Variants in NUDCD1 observed in about 807,000 individuals in gnomAD.
NUDCD1 encodes NudC domain containing 1.
In NUDCD1, 60 loss-of-function variants were observed where a neutral mutation model predicts 67.8. The observed-to-expected ratio is 0.88, with a 90% CI of 0.72 to 1.10. The LOEUF is 1.10. NUDCD1 is among the 50% of genes least tolerant of loss of function. The pLI is 0.00. For missense variants in NUDCD1, 643 were observed against 695.0 expected (o/e 0.93, Z 0.84); for synonymous variants, 244 against 230.8 (o/e 1.06, Z -0.52).
intron 2 of NUDCD1, among the ~76,000 whole-genome samples, chr8:109,307,822 A>G (rs1272200846): frequency 1.3e-5 from 2 of 152,234 alleles, no homozygotes; most frequent in Admixed American, 1.3e-4. Context: ...AGAAGTAGCT[A>G]TTCTTATATC....
At chr8:109,244,187 A>T (rs1813443609) in intron 9 of NUDCD1, among the ~76,000 whole-genome samples, 1 of 152,150 alleles carries the variant, frequency 6.6e-6, no homozygotes, top group African/African-American at 2.4e-5. Flanking sequence ...AATATTAAGC[A>T]GGTTTGAAGC....
chr8:109,301,637 T>C (rs894350302), intron 2 of NUDCD1, among the ~76,000 whole-genome samples: 1 of 152,202 alleles, frequency 6.6e-6, no homozygotes, highest in Non-Finnish European at 1.5e-5. Context: ...CAATTTCAAA[T>C]GGGGTAAGCG....
intron 2 of NUDCD1, chr8:109,315,361 A>G (rs1302634560): frequency 6.6e-6 from 1 of 152,128 alleles, no homozygotes; most frequent in African/African-American, 2.4e-5. Flanking sequence ...GACCTGCCAA[A>G]GAGAAACACA....
At chr8:109,256,237 G>A (rs543556733) in intron 8 of NUDCD1, among the ~76,000 whole-genome samples, 2 of 152,104 alleles carry the variant, frequency 1.3e-5, no homozygotes, top group African/African-American at 4.8e-5. Context: ...ACTGAACTAG[G>A]AAAAAATGGT....
At chr8:109,262,136 T>G (rs749233612) in intron 8 of NUDCD1, among the ~76,000 whole-genome samples, 1 of 152,232 alleles carries the variant, frequency 6.6e-6, no homozygotes, top group South Asian at 2.1e-4. Context: ...TACTTGTATA[T>G]GTGGTTTTAC....
Position 109,241,164 on chromosome 8 carries a change from A to C in NUDCD1, c.*1845T>G, listed in dbSNP as rs977307321. 6.6e-6 allele frequency: 1 copy of C among 152,172 alleles called. No homozygotes were observed. The highest frequency in any genetic ancestry group is 6.6e-5 in the Admixed American group (1 of 15,260). The allele number at this position is 152,172 out of a possible 1,614,324, so 9.4% of individuals were successfully genotyped here. On this transcript the variant is annotated 3_prime_UTR_variant, in exon 10 of 10. Transcript: ENST00000239690. ...TATTCATCTTTTAACGTAGGTCAAC[A>C]TGCGACAATATTTAGGATTAATTAT...
chr8:109,244,792 C>A (rs1298396349), intron 9 of NUDCD1, among the ~76,000 whole-genome samples: 1 of 152,088 alleles, frequency 6.6e-6, no homozygotes, highest in Non-Finnish European at 1.5e-5. Context: ...AATTTTAAAA[C>A]TGATTTTTTT....
chr8:109,325,884 C>T lies in NUDCD1; in HGVS notation c.119-3421G>A, dbSNP rs148012104. ...AGGAAGATCCATTAGAAAGCTATTG[C>T]AATCATCTGGTTGAGAGATAATGGA... is the stretch of plus-strand genomic sequence containing the variant. On this transcript the variant is annotated intron_variant, in intron 1 of 9. Coordinates refer to ENST00000239690, the MANE Select transcript of NUDCD1 (RefSeq NM_032869.4). Among the ~76,000 whole-genome samples, 43 of 152,292 alleles carry T rather than the reference C, an allele frequency of 2.8e-4. No individual in the cohort carries two copies. The East Asian group carries it at 6.7e-3, about 24-fold the overall frequency.
In NUDCD1 at chr8:109,308,719, C is replaced by T. The variant is rs373356391; in HGVS notation, c.274-12150G>A. Reference sequence around the variant, plus strand: ...GGGTGCGGTGGCTCACGCCTGTAATCCCAGCACTTTGGGATGCCAAGGTGG... The same window carrying T: ...GGGTGCGGTGGCTCACGCCTGTAATTCCAGCACTTTGGGATGCCAAGGTGG... On this transcript the variant is annotated intron_variant, in intron 2 of 9. Transcript: ENST00000239690. Among the ~76,000 whole-genome samples the T allele has an allele frequency of 1.2e-3, 182 of 151,960 alleles. 1 individual carries two copies. The highest frequency in any genetic ancestry group is 3.3e-3 in the African/African-American group (136 of 41,462).
intron 2 of NUDCD1, chr8:109,313,975 G>A: frequency 2.7e-6 from 1 of 373,432 alleles, no homozygotes; most frequent in Non-Finnish European, 5.2e-6. Context: ...TAAAGTGAAA[G>A]CAAACTAAAT....
At chr8:109,270,222 T>C (rs924931209) in intron 8 of NUDCD1, among the ~76,000 whole-genome samples, 9 of 151,720 alleles carry the variant, frequency 5.9e-5, no homozygotes, top group Admixed American at 2.0e-4. Flanking sequence ...TCACTTGATA[T>C]AGAAGCATTA....
In NUDCD1 at chr8:109,243,036, A is replaced by G. The variant is rs181711091; in HGVS notation, c.1725T>C (p.Phe575=). 5 of 1,592,110 alleles carry G rather than the reference A, an allele frequency of 3.1e-6. No individual in the cohort carries two copies. The East Asian group carries it at 8.9e-5, about 28-fold the overall frequency. ...AATTCTCTGTATTTACTTTTATTAA[A>G]AAGAGGTTTTTGGTAGTAAGAACAA... ...RLFVLTTKNL[F]LIKVNTEN is the part of the protein sequence containing the mutation. The change falls in exon 10 of 10, where the codon TTT becomes TTC. Residue 575 remains phenylalanine (F), a synonymous_variant. Coordinates refer to ENST00000239690, the MANE Select transcript of NUDCD1 (RefSeq NM_032869.4).
At chr8:109,250,954 T>C (rs1338636612) in intron 8 of NUDCD1, among the ~76,000 whole-genome samples, 5 of 152,206 alleles carry the variant, frequency 3.3e-5, no homozygotes, top group Non-Finnish European at 5.9e-5. Flanking sequence ...TTTAATGTCT[T>C]TGGTATCAGG....
At chr8:109,295,397 C>G (rs1203789670) in intron 3 of NUDCD1, among the ~76,000 whole-genome samples, 4 of 152,140 alleles carry the variant, frequency 2.6e-5, no homozygotes, top group African/African-American at 9.7e-5. Flanking sequence ...AAGGCCAAAA[C>G]AGAAATTGCC....
chr8:109,313,543 C>T (rs972100407), intron 2 of NUDCD1, among the ~76,000 whole-genome samples: 10 of 152,114 alleles, frequency 6.6e-5, no homozygotes, highest in Non-Finnish European at 1.3e-4. Flanking sequence ...GCTTCAAATA[C>T]ATTACTATTT....
intron 6 of NUDCD1, among the ~76,000 whole-genome samples, chr8:109,279,725 G>A (rs765205082): frequency 1.3e-5 from 2 of 151,948 alleles, no homozygotes; most frequent in Non-Finnish European, 2.9e-5. Flanking sequence ...TCCGCCTCCC[G>A]GGTTCAAGTA....
intron 8 of NUDCD1, among the ~76,000 whole-genome samples, chr8:109,254,065 A>AC (rs956782676): frequency 6.4e-4 from 97 of 152,316 alleles, no homozygotes; most frequent in African/African-American, 2.3e-3. Context: ...CATCGAGTTT[A>AC]CAACTTGGTA....
intron 1 of NUDCD1, among the ~76,000 whole-genome samples, chr8:109,330,374 C>CAAACA (rs2130158420): frequency 6.6e-6 from 1 of 152,226 alleles, no homozygotes; most frequent in South Asian, 2.1e-4. Context: ...TTCAGGTAGC[C>CAAACA]AAGGTGCCCA....
chr8:109,329,920 A>C, intron 1 of NUDCD1: 1 of 1,530,902 alleles, frequency 6.5e-7, no homozygotes, highest in Non-Finnish European at 8.8e-7. Context: ...AGTATGATAA[A>C]GTCTATGAAG....
Sources: allele counts gnomAD v4.1 joint callset (sites outside exome capture counted in the v4.1 genomes callset), GRCh38; gene constraint gnomAD v4.1.1; transcripts MANE v1.5; gene names NCBI Gene and HGNC (gene_info 2026-07-23, HGNC 2026-07-21).